POU2F3: variants seen among roughly 807,000 people sequenced by gnomAD.
POU2F3 encodes POU class 2 homeobox 3, also known as POU domain, class 2, transcription factor 3.
In POU2F3, 23 loss-of-function variants were observed where a neutral mutation model predicts 59.2. The observed-to-expected ratio is 0.39, with a 90% CI of 0.28 to 0.55. The LOEUF is 0.55. Ranked by LOEUF, POU2F3 falls within the 20% of genes least tolerant of loss-of-function variation. The pLI is 0.66. For synonymous variants in POU2F3, 190 were observed against 214.6 expected, an observed-to-expected ratio of 0.89 and a Z score of 1.00; for missense variants, 473 against 544.5, an observed-to-expected ratio of 0.87 and a Z score of 1.31.
intron 1 of POU2F3, 49 bp downstream of exon 1, chr11:120,240,420 A>G (rs1317672356): frequency 2.2e-6 from 3 of 1,343,394 alleles, no homozygotes; most frequent in South Asian, 2.3e-5. Context: ...GCGCGTGGGC[A>G]GGGGTGAAGG....
intron 2 of POU2F3, among the ~76,000 whole-genome samples, chr11:120,255,775 A>T (rs1197994948): frequency 6.6e-6 from 1 of 152,032 alleles, no homozygotes; most frequent in Non-Finnish European, 1.5e-5. Flanking sequence ...CCCTTCCTGC[A>T]CCTGGGCTCC....
chr11:120,291,901 C>T (rs531802274), intron 3 of POU2F3, among the ~76,000 whole-genome samples: 16 of 151,960 alleles, frequency 1.1e-4, no homozygotes, highest in African/African-American at 3.6e-4. Context: ...CTCCACCTCC[C>T]GGGTTCACAC....
chr11:120,268,332 T>TTATG (rs994355318), intron 2 of POU2F3, among the ~76,000 whole-genome samples: 3 of 150,498 alleles, frequency 2.0e-5, no homozygotes, highest in South Asian at 2.2e-4. Flanking sequence ...TTTCTTCCTC[T>TTATG]TATGTATTTA....
chr11:120,236,848 T>A (rs1480756558), upstream of POU2F3: 1 of 777,148 alleles, frequency 1.3e-6, no homozygotes, highest in Non-Finnish European at 2.1e-6. Flanking sequence ...CACCCCAGCC[T>A]TCTAAGCCTC....
chr11:120,305,708 G>A lies in POU2F3; in HGVS notation c.692G>A (p.Arg231Gln), dbSNP rs767943125. The A allele has an allele frequency of 3.7e-6, 6 of 1,613,886 alleles. No homozygotes were observed. Among genetic ancestry groups the A allele is most frequent in the African/African-American group, 1.3e-5 (1 of 74,920 alleles). Reference protein sequence around the residue: ...GNDFSQTTISRFEALNLSFKN... With the variant: ...GNDFSQTTISQFEALNLSFKN... ...GACTTCAGCCAGACCACCATCTCACGATTTGAGGCCCTCAACCTGAGCTTC... is the reference window on the plus strand; with the variant it reads ...GACTTCAGCCAGACCACCATCTCACAATTTGAGGCCCTCAACCTGAGCTTC... The change falls in exon 8 of 13, where the codon CGA becomes CAA. Residue 231 changes from arginine (R) to glutamine (Q), a missense_variant. Coordinates refer to ENST00000543440, the MANE Select transcript of POU2F3 (RefSeq NM_014352.4).
chr11:120,290,351 C>T (rs1940974072), intron 3 of POU2F3, among the ~76,000 whole-genome samples: 1 of 152,178 alleles, frequency 6.6e-6, no homozygotes, highest in African/African-American at 2.4e-5. Flanking sequence ...CCAGACTACA[C>T]TTGTAAGTGT....
At chr11:120,295,952 C>T (rs1254325583) in intron 3 of POU2F3, among the ~76,000 whole-genome samples, 1 of 152,176 alleles carries the variant, frequency 6.6e-6, no homozygotes, top group Non-Finnish European at 1.5e-5. Flanking sequence ...TCTGTGCAAC[C>T]AGGGCTTCTT....
chr11:120,305,344 T>A, intron 7 of POU2F3, 132 bp downstream of exon 7: 1 of 1,096,090 alleles, frequency 9.1e-7, no homozygotes, highest in Non-Finnish European at 1.3e-6. Context: ...CTGAGTTCTC[T>A]GAGAATAGGG....
At chr11:120,308,938 CAAAAAAAAAAAAAAAAAAAAAA>C (rs386375076) in intron 9 of POU2F3, among the ~76,000 whole-genome samples, 544 of 28,782 alleles carry the variant, frequency 0.019, 9 homozygotes, top group Admixed American at 0.054. Flanking sequence ...GACTCCGTCT[CAAAAAAAAAAAAAAAAAAAAAA>C]AAAAAAAAAA....
intron 11 of POU2F3, among the ~76,000 whole-genome samples, chr11:120,315,949 C>T (rs1230345091): frequency 6.7e-6 from 1 of 150,054 alleles, no homozygotes; most frequent in African/African-American, 2.5e-5. Context: ...CTCAGCTCAC[C>T]ACACCCTCTG....
At chr11:120,244,146 C>A (rs972365186) in intron 1 of POU2F3, among the ~76,000 whole-genome samples, 1 of 152,212 alleles carries the variant, frequency 6.6e-6, no homozygotes, top group African/African-American at 2.4e-5. Flanking sequence ...TGCCTCTTAA[C>A]TTTTTCCTGT....
chr11:120,287,331 A>G (rs1272271176), intron 3 of POU2F3, among the ~76,000 whole-genome samples: 2 of 152,220 alleles, frequency 1.3e-5, no homozygotes, highest in African/African-American at 4.8e-5. Context: ...TTAGTACCAC[A>G]TATGTTTAAT....
chr11:120,257,751 A>C (rs757599751), intron 2 of POU2F3, among the ~76,000 whole-genome samples: 1 of 152,210 alleles, frequency 6.6e-6, no homozygotes, highest in Non-Finnish European at 1.5e-5. Context: ...CCGGCCCTGC[A>C]GACCTCACAG....
intron 2 of POU2F3, 126 bp downstream of exon 2, chr11:120,246,643 G>A (rs1275688492): frequency 1.6e-5 from 14 of 899,580 alleles, no homozygotes; most frequent in Non-Finnish European, 2.3e-5. Flanking sequence ...TAGGTCTTAG[G>A]AACTAAGGGA....
At chr11:120,299,564 A>T in intron 4 of POU2F3, 60 bp from the exon 5 acceptor site, 1 of 1,479,220 alleles carries the variant, frequency 6.8e-7, no homozygotes, top group Non-Finnish European at 9.3e-7. Context: ...TGGCAGGCAG[A>T]TGGGGCTGAT....
At chr11:120,280,022 A>C (rs1940499206) in intron 3 of POU2F3, among the ~76,000 whole-genome samples, 1 of 152,122 alleles carries the variant, frequency 6.6e-6, no homozygotes, top group African/African-American at 2.4e-5. Flanking sequence ...GGGGTCCTTC[A>C]CCTGATTGTG....
In POU2F3 at chr11:120,260,525, G is replaced by T. The variant is rs182749822; in HGVS notation, c.98-8685G>T. On this transcript the variant is annotated intron_variant, in intron 2 of 12. Coordinates refer to ENST00000543440, the MANE Select transcript of POU2F3 (RefSeq NM_014352.4). ...GGTATTATGGCCGTCTTGGCCTAAGGAGATTGTATTGGAATCCTGGGGCTC... is the reference window on the plus strand; with the variant it reads ...GGTATTATGGCCGTCTTGGCCTAAGTAGATTGTATTGGAATCCTGGGGCTC... 4.4e-3 allele frequency among the ~76,000 whole-genome samples: 666 copies of T among 152,342 alleles called. 5 individuals are homozygous for T. Among genetic ancestry groups the T allele is most frequent in the Middle Eastern group, 0.014 (4 of 294 alleles).
In POU2F3 at chr11:120,307,711, C is replaced by T. The variant is rs79578269; in HGVS notation, c.906+96C>T. Reference sequence around the variant, plus strand: ...CCCCTTGGCACCAGCCCCTCCGCACCTCACACCTGCTCTGGGACACGATCA... The same window carrying T: ...CCCCTTGGCACCAGCCCCTCCGCACTTCACACCTGCTCTGGGACACGATCA... On this transcript the variant is annotated intron_variant, in intron 9 of 12. Coordinates refer to ENST00000543440, the MANE Select transcript of POU2F3 (RefSeq NM_014352.4). 4 of 1,460,840 alleles carry T rather than the reference C, an allele frequency of 2.7e-6. No individual in the cohort carries two copies. The African/African-American group carries it at 4.2e-5, about 15-fold the overall frequency. The allele number at this position is 1,460,840 out of a possible 1,614,324, so 90.5% of individuals were successfully genotyped here.
At chr11:120,271,827 C>T (rs1357567760) in intron 3 of POU2F3, among the ~76,000 whole-genome samples, 1 of 152,184 alleles carries the variant, frequency 6.6e-6, no homozygotes. Context: ...GTTGTCCCCT[C>T]CCTCTTCTGG....
Sources: gnomAD v4.1 joint callset for allele counts (sites outside exome capture counted in the v4.1 genomes callset) on GRCh38, gnomAD v4.1.1 for gene constraint, MANE v1.5 for transcripts, NCBI Gene and HGNC (gene_info 2026-07-23, HGNC 2026-07-21) for gene names.